Variants in C12orf42 observed in about 807,000 individuals in gnomAD.
The protein encoded by C12orf42 is chromosome 12 open reading frame 42.
Under a neutral mutation model 21.6 loss-of-function variants are expected in C12orf42, and 25 were observed. The observed-to-expected ratio is 1.16, with a 90% confidence interval of 0.84 to 1.62. The LOEUF (loss-of-function observed/expected upper bound fraction) is 1.62, where lower values mean the gene tolerates loss of function less well. C12orf42 is among the 40% of genes most tolerant of loss of function. C12orf42 has a pLI of 0.00. For synonymous variants in C12orf42, 174 were observed against 175.0 expected (o/e 0.99, Z 0.05); for missense variants, 483 against 459.3 (o/e 1.05, Z -0.47).
intron 4 of C12orf42, among the ~76,000 whole-genome samples, chr12:103,312,236 G>T (rs1335053683): frequency 6.6e-6 from 1 of 152,120 alleles, no homozygotes; most frequent in Non-Finnish European, 1.5e-5. Flanking sequence ...CTTCAGATTT[G>T]GGGAGAGTTT....
the C12orf42 span, among the ~76,000 whole-genome samples, chr12:103,539,662 C>A: frequency 6.6e-6 from 1 of 152,092 alleles, no homozygotes; most frequent in East Asian, 1.9e-4. Context: ...TCACTGCAAC[C>A]TCTGCCTCCC....
At chr12:103,201,366 T>G in the C12orf42 span, among the ~76,000 whole-genome samples, 26 of 152,328 alleles carry the variant, frequency 1.7e-4, no homozygotes, top group Admixed American at 9.1e-4. Context: ...CTTTGGAGCT[T>G]CTTCTCCATC....
chr12:103,496,315 A>G (rs1955543280), upstream of C12orf42, among the ~76,000 whole-genome samples: 2 of 152,088 alleles, frequency 1.3e-5, no homozygotes, highest in African/African-American at 4.8e-5. Flanking sequence ...CGAATTGTAA[A>G]CCATTTTGAA....
the C12orf42 span, among the ~76,000 whole-genome samples, chr12:103,076,544 C>T: frequency 2.0e-5 from 3 of 151,968 alleles, no homozygotes; most frequent in South Asian, 2.1e-4. Context: ...TTTACAAAGT[C>T]GCAAGGGGGA....
At chr12:103,221,009 A>G in the C12orf42 span, among the ~76,000 whole-genome samples, 1 of 152,230 alleles carries the variant, frequency 6.6e-6, no homozygotes, top group Non-Finnish European at 1.5e-5. Context: ...GTCAGCCAGG[A>G]TTAACCTGCT....
At chr12:103,495,389 G>T (rs2138241173) in intron 1 of C12orf42, among the ~76,000 whole-genome samples, 1 of 152,038 alleles carries the variant, frequency 6.6e-6, no homozygotes, top group East Asian at 1.9e-4. Context: ...GCCCTCCACC[G>T]CCCCCAACCG....
intron 2 of C12orf42, among the ~76,000 whole-genome samples, chr12:103,466,255 A>G (rs1953120390): frequency 6.6e-6 from 1 of 152,106 alleles, no homozygotes; most frequent in African/African-American, 2.4e-5. Flanking sequence ...TAAGCTATTT[A>G]TTACTGTGTC....
At chr12:103,426,128 G>A (rs1359800920) in intron 2 of C12orf42, among the ~76,000 whole-genome samples, 1 of 152,228 alleles carries the variant, frequency 6.6e-6, no homozygotes, top group Non-Finnish European at 1.5e-5. Context: ...ATTGACAGAA[G>A]TAGGCTTCAG....
intron 2 of C12orf42, among the ~76,000 whole-genome samples, chr12:103,429,735 G>A (rs1950122936): frequency 6.6e-6 from 1 of 152,166 alleles, no homozygotes; most frequent in Non-Finnish European, 1.5e-5. Flanking sequence ...CAAGGCTACA[G>A]TAACCAAAAC....
the C12orf42 span, among the ~76,000 whole-genome samples, chr12:103,116,225 G>C: frequency 3.3e-4 from 50 of 151,936 alleles, no homozygotes; most frequent in African/African-American, 1.2e-3. Context: ...TTAGCCAGGC[G>C]TGGTGACACA....
the C12orf42 span, among the ~76,000 whole-genome samples, chr12:103,521,556 A>G: frequency 5.3e-5 from 8 of 152,174 alleles, no homozygotes; most frequent in Non-Finnish European, 1.0e-4. Flanking sequence ...GGAGAGCATC[A>G]GAATAAATAG....
At chr12:103,124,376 G>A in the C12orf42 span, among the ~76,000 whole-genome samples, 1 of 151,846 alleles carries the variant, frequency 6.6e-6, no homozygotes, top group South Asian at 2.1e-4. Context: ...CTTGATGGTG[G>A]CTCTGCTCAC....
At chr12:103,113,059 G>T in the C12orf42 span, among the ~76,000 whole-genome samples, 3 of 152,006 alleles carry the variant, frequency 2.0e-5, no homozygotes, top group Admixed American at 2.0e-4. Flanking sequence ...CTAACGTATT[G>T]TGATAGCCAC....
intron 10 of C12orf42, among the ~76,000 whole-genome samples, chr12:103,243,232 G>A (rs1166927157): frequency 6.6e-6 from 1 of 151,598 alleles, no homozygotes; most frequent in East Asian, 1.9e-4. Flanking sequence ...TCACTATATT[G>A]CCGAGGCTGA....
At chr12:103,118,022 C>T in the C12orf42 span, among the ~76,000 whole-genome samples, 1 of 152,190 alleles carries the variant, frequency 6.6e-6, no homozygotes, top group Non-Finnish European at 1.5e-5. Context: ...GCATTAGATA[C>T]TTAAGTGTCC....
the C12orf42 span, among the ~76,000 whole-genome samples, chr12:103,185,703 T>C: frequency 1.3e-5 from 2 of 152,068 alleles, no homozygotes; most frequent in African/African-American, 4.8e-5. Flanking sequence ...ACTGTTCTTG[T>C]GGTAGTGAAT....
intron 2 of C12orf42, among the ~76,000 whole-genome samples, chr12:103,470,521 T>C (rs1400040277): frequency 6.6e-6 from 1 of 152,218 alleles, no homozygotes; most frequent in Non-Finnish European, 1.5e-5. Flanking sequence ...ACTTCCTTTT[T>C]AATTTTTTAC....
the C12orf42 span, among the ~76,000 whole-genome samples, chr12:103,561,308 G>T: frequency 1.3e-5 from 2 of 152,164 alleles, no homozygotes; most frequent in Non-Finnish European, 2.9e-5. Context: ...GTTTGCCTTA[G>T]TTTGGGTTGC....
At chr12:103,289,993 G>T (rs1219913844) in intron 4 of C12orf42, among the ~76,000 whole-genome samples, 1 of 152,152 alleles carries the variant, frequency 6.6e-6, no homozygotes, top group Non-Finnish European at 1.5e-5. Flanking sequence ...GTAAGGGAAA[G>T]CTTCCTGCAC....
Sources: allele counts gnomAD v4.1 joint callset (sites outside exome capture counted in the v4.1 genomes callset), GRCh38; gene constraint gnomAD v4.1.1; transcripts MANE v1.5; gene names NCBI Gene and HGNC (gene_info 2026-07-23, HGNC 2026-07-21).